The following KIF26B variants were observed in gnomAD, a reference collection of about 807,000 sequenced individuals.
KIF26B encodes the protein kinesin family member 26B.
KIF26B carries 63 observed loss-of-function variants against 151.2 expected under a neutral mutation model. The ratio of observed to expected loss-of-function variants is 0.42; its 90% CI spans 0.34 to 0.51. KIF26B has a LOEUF of 0.51. KIF26B is among the 20% of genes least tolerant of loss of function. KIF26B has a pLI of 0.07. For missense variants in KIF26B, 2,813 were observed against 2,913.6 expected, an observed-to-expected ratio of 0.97 and a Z score of 0.79; for synonymous variants, 1,357 against 1,262.1, an observed-to-expected ratio of 1.08 and a Z score of -1.59.
At chr1:245,414,717 T>G (rs1674375560) in intron 3 of KIF26B, among the ~76,000 whole-genome samples, 1 of 152,194 alleles carries the variant, frequency 6.6e-6, no homozygotes, top group South Asian at 2.1e-4. Flanking sequence ...AAGTCACAGA[T>G]AATATTTCTA....
In KIF26B at chr1:245,352,164, G is replaced by A. The variant is rs1210521315; in HGVS notation, c.466-14670G>A. 6.6e-6 allele frequency among the ~76,000 whole-genome samples: 1 copy of A among 152,166 alleles called. No homozygotes were observed. Among genetic ancestry groups the A allele is most frequent in the Non-Finnish European group, 1.5e-5 (1 of 68,014 alleles). On this transcript the variant is annotated intron_variant, in intron 2 of 14. Coordinates refer to ENST00000407071, the MANE Select transcript of KIF26B (RefSeq NM_018012.4). This position sits in a 1 kb window ranked among gnomAD's most constrained non-coding sequence, Gnocchi z 5.0. Reference sequence around the variant, plus strand: ...TGTGTTTCTCAAATATTCTCAAATTGTATTGAAACCTGTAACCAAAACCAA... The same window carrying A: ...TGTGTTTCTCAAATATTCTCAAATTATATTGAAACCTGTAACCAAAACCAA...
At chr1:245,418,137 G>A (rs1160654982) in intron 3 of KIF26B, among the ~76,000 whole-genome samples, 2 of 152,172 alleles carry the variant, frequency 1.3e-5, no homozygotes, top group Admixed American at 6.5e-5. Context: ...TTTCAGCTGC[G>A]CCCTCCAAGC....
chr1:245,282,239 A>G (rs1671069939), intron 2 of KIF26B, among the ~76,000 whole-genome samples: 1 of 152,102 alleles, frequency 6.6e-6, no homozygotes, highest in Non-Finnish European at 1.5e-5. Flanking sequence ...AATTGGAAAA[A>G]ACTACTTTAA....
At position 245,688,080 on chromosome 1, in the gene KIF26B, G is replaced by C; in HGVS notation, c.5097G>C (p.Lys1699Asn). The C allele has an allele frequency of 6.4e-7, 1 of 1,553,868 alleles. No homozygotes were observed. The highest frequency in any genetic ancestry group is 8.7e-7 in the Non-Finnish European group (1 of 1,150,304). ...TGAGCTCCCGGCTGCACGCGGGCAA[G>C]GACGGCACCATGCCCCGCGCGGGGA... ...SSVSSRLHAG[K>N]DGTMPRAGRS... Residue 1699 changes from lysine to asparagine, a missense_variant, in exon 12 of 15, where the codon AAG becomes AAC. By Grantham distance (94) the Lys-to-Asn change is moderately conservative. Coordinates refer to ENST00000407071, the MANE Select transcript of KIF26B (RefSeq NM_018012.4).
chr1:245,434,887 C>G (rs1658866140), intron 4 of KIF26B, among the ~76,000 whole-genome samples: 1 of 152,116 alleles, frequency 6.6e-6, no homozygotes, highest in Non-Finnish European at 1.5e-5. Context: ...GAGTCACCTC[C>G]CAGTTAACCT....
Position 245,488,539 on chromosome 1 carries a change from A to G in KIF26B, c.1167-52228A>G, listed in dbSNP as rs1660330142. On this transcript the variant is annotated intron_variant, in intron 4 of 14. Transcript: ENST00000407071. The surrounding 1 kb of genome is among the most constrained non-coding windows in gnomAD (Gnocchi z 4.6). Reference sequence around the variant, plus strand: ...AGAAACAGCCCCCGGGGAATGAACTACCCCCTCTGCCTCGGGGACAGGCAC... The same window carrying G: ...AGAAACAGCCCCCGGGGAATGAACTGCCCCCTCTGCCTCGGGGACAGGCAC... Among the ~76,000 whole-genome samples, 1 of 151,484 alleles carries G rather than the reference A, an allele frequency of 6.6e-6. No homozygotes were observed. Among genetic ancestry groups the G allele is most frequent in the South Asian group, 2.1e-4 (1 of 4,770 alleles).
chr1:245,253,775 C>T (rs1202192884), intron 2 of KIF26B, among the ~76,000 whole-genome samples: 3 of 143,610 alleles, frequency 2.1e-5, no homozygotes, highest in African/African-American at 7.7e-5. Context: ...TTTAAATTTT[C>T]CTGTCTATAG....
At chr1:245,624,250 G>T (rs564573143) in intron 9 of KIF26B, among the ~76,000 whole-genome samples, 5 of 145,064 alleles carry the variant, frequency 3.4e-5, no homozygotes, top group Admixed American at 1.4e-4. Flanking sequence ...ACCTATACTA[G>T]AACTGGAATC....
intron 2 of KIF26B, among the ~76,000 whole-genome samples, chr1:245,264,935 C>G (rs879446631): frequency 2.0e-5 from 3 of 150,104 alleles, no homozygotes; most frequent in Non-Finnish European, 2.9e-5. Flanking sequence ...CACGGTGGCT[C>G]ACGCCTGTAA....
chr1:245,485,615 C>G (rs1336814320), intron 4 of KIF26B, among the ~76,000 whole-genome samples: 1 of 152,218 alleles, frequency 6.6e-6, no homozygotes, highest in Non-Finnish European at 1.5e-5. Flanking sequence ...GACTCCTGAC[C>G]TCAAGTGATC....
Position 245,470,840 on chromosome 1 carries a change from T to G in KIF26B, c.1166+51095T>G, listed in dbSNP as rs540089710. 2.0e-5 allele frequency among the ~76,000 whole-genome samples: 3 copies of G among 152,308 alleles called. No individual in the cohort carries two copies. The East Asian group carries it at 5.8e-4, about 29-fold the overall frequency. On this transcript the variant is annotated intron_variant, in intron 4 of 14. Transcript: ENST00000407071. ...TGCATAATTTGAAATCATCTCTATG[T>G]AGCTTTCAGATGCTCATTTCCTTCT...
rs922637098 is a variant in KIF26B at position 245,703,561 on chromosome 1, C to T, written c.*955C>T. On this transcript the variant is annotated 3_prime_UTR_variant, in exon 15 of 15. Transcript: ENST00000407071. ...TCCACACATGTGGTTCCTTGACCCACAAATCCACAGTTTGCGTGGCCCTCA... is the reference window on the plus strand; with the variant it reads ...TCCACACATGTGGTTCCTTGACCCATAAATCCACAGTTTGCGTGGCCCTCA... 3 of 152,204 alleles carry T rather than the reference C, an allele frequency of 2.0e-5. No individual in the cohort carries two copies. The highest frequency in any genetic ancestry group is 4.8e-5 in the African/African-American group (2 of 41,460). 9.4% of individuals were successfully genotyped at this position (152,204 alleles called of 1,614,324 possible).
intron 2 of KIF26B, among the ~76,000 whole-genome samples, chr1:245,278,213 G>A (rs1016336884): frequency 1.3e-5 from 2 of 152,102 alleles, no homozygotes; most frequent in African/African-American, 2.4e-5. Flanking sequence ...AATTTGAGGA[G>A]AACAATTTAC....
chr1:245,233,468 G>T (rs551025387), intron 2 of KIF26B, among the ~76,000 whole-genome samples: 1 of 152,172 alleles, frequency 6.6e-6, no homozygotes, highest in Non-Finnish European at 1.5e-5. Flanking sequence ...CTGGGTACTT[G>T]TTAGAAAATG....
chr1:245,265,201 C>CAAAAAA (rs59716075), intron 2 of KIF26B, among the ~76,000 whole-genome samples: 2 of 47,374 alleles, frequency 4.2e-5, no homozygotes, highest in Admixed American at 2.1e-4. Context: ...GACTCCATCT[C>CAAAAAA]AAAAAAAAAA....
At chr1:245,321,871 T>C (rs1671892647) in intron 2 of KIF26B, among the ~76,000 whole-genome samples, 1 of 152,208 alleles carries the variant, frequency 6.6e-6, no homozygotes, top group Non-Finnish European at 1.5e-5. Flanking sequence ...AGCATCACCT[T>C]GGAGCTCACC....
intron 4 of KIF26B, among the ~76,000 whole-genome samples, chr1:245,427,042 T>C (rs1473865772): frequency 6.6e-6 from 1 of 152,206 alleles, no homozygotes; most frequent in Non-Finnish European, 1.5e-5. Context: ...CTGCTTCTTT[T>C]GTTCTTCTGT....
intron 2 of KIF26B, among the ~76,000 whole-genome samples, chr1:245,323,334 G>A (rs1671922920): frequency 6.6e-6 from 1 of 152,152 alleles, no homozygotes. Context: ...TATAAATGTG[G>A]TTGAGAGAGG....
At chr1:245,549,426 C>T (rs1160684436) in intron 5 of KIF26B, among the ~76,000 whole-genome samples, 2 of 152,100 alleles carry the variant, frequency 1.3e-5, no homozygotes, top group Non-Finnish European at 2.9e-5. Flanking sequence ...AAGCTCAGCA[C>T]AATTAGACCA....
Sources: allele counts gnomAD v4.1 joint callset (sites outside exome capture counted in the v4.1 genomes callset), GRCh38; gene constraint gnomAD v4.1.1; non-coding constraint Gnocchi (gnomAD v3.1); transcripts MANE v1.5; gene names NCBI Gene and HGNC (gene_info 2026-07-23, HGNC 2026-07-21).